The following DDX60 variants were observed in gnomAD, a reference collection of about 807,000 sequenced individuals.
DDX60 encodes the protein probable ATP-dependent RNA helicase DDX60.
In DDX60, 165 loss-of-function variants were observed where a neutral mutation model predicts 212.8. That is an observed-to-expected ratio of 0.78 (90% CI 0.68 to 0.88). The LOEUF is 0.88. Ranked by LOEUF, DDX60 falls within the 40% of genes least tolerant of loss-of-function variation. DDX60 has a pLI of 0.00. For missense variants in DDX60, 1,905 were observed against 2,003.9 expected (o/e 0.95, Z 0.94); for synonymous variants, 703 against 685.3 (o/e 1.03, Z -0.40).
intron 30 of DDX60, among the ~76,000 whole-genome samples, chr4:168,238,232 AT>A (rs140911371): frequency 0.031 from 3,500 of 111,384 alleles, 156 homozygotes; most frequent in African/African-American, 0.11. Flanking sequence ...TGTCTATGAA[AT>A]TCCAAAAAAA....
chr4:168,267,756 A>G (rs907237193), intron 21 of DDX60, 65 bp from the exon 22 acceptor site: 2 of 1,536,826 alleles, frequency 1.3e-6, no homozygotes, highest in African/African-American at 2.8e-5. Context: ...AATTTAAAGT[A>G]AACGGCATCA....
At position 168,286,916 on chromosome 4, in the gene DDX60, G is replaced by A. The variant is rs574792891; in HGVS notation, c.1339+132C>T. On this transcript the variant is annotated intron_variant, in intron 10 of 37. Transcript: ENST00000393743. Reference sequence around the variant, plus strand: ...CCACTCCAAGGATATAAGAATAAAGGTAATTTATTTTTATTATTAAAATTC... The same window carrying A: ...CCACTCCAAGGATATAAGAATAAAGATAATTTATTTTTATTATTAAAATTC... The A allele has an allele frequency of 4.8e-5, 30 of 624,942 alleles. No individual in the cohort carries two copies. In the African/African-American group the frequency reaches 5.6e-4, roughly 12 times the overall value. 38.7% of individuals were successfully genotyped at this position (624,942 alleles called of 1,614,324 possible).
intron 19 of DDX60, among the ~76,000 whole-genome samples, chr4:168,269,541 C>T (rs1184661964): frequency 6.6e-6 from 1 of 151,914 alleles, no homozygotes; most frequent in Non-Finnish European, 1.5e-5. Context: ...GCAGAGCTTG[C>T]AGTGAGCTGA....
At position 168,291,205 on chromosome 4, in the gene DDX60, G is replaced by T. The variant is rs891419814; in HGVS notation, c.1041+543C>A. ...AATAGAAAAACATGAAAAAATATAT[G>T]TATATATAGAGTTCCAATATAAGAA... On this transcript the variant is annotated intron_variant, in intron 8 of 37. Coordinates refer to ENST00000393743, the MANE Select transcript of DDX60 (RefSeq NM_017631.6). 7.2e-5 allele frequency among the ~76,000 whole-genome samples: 11 copies of T among 152,092 alleles called. 1 individual carries two copies. In the South Asian group the frequency reaches 2.3e-3, roughly 32 times the overall value.
At chr4:168,249,711 C>G (rs1354997891) in intron 28 of DDX60, among the ~76,000 whole-genome samples, 2 of 152,042 alleles carry the variant, frequency 1.3e-5, no homozygotes, top group Non-Finnish European at 2.9e-5. Flanking sequence ...AATTCATAAG[C>G]ATGTAGAAAA....
intron 22 of DDX60, chr4:168,263,448 T>C (rs1734707446): frequency 6.6e-6 from 1 of 152,186 alleles, no homozygotes; most frequent in Non-Finnish European, 1.5e-5. Flanking sequence ...CTACAAATCA[T>C]TTGCATGTAG....
At chr4:168,323,767 C>T (rs998313346), upstream of DDX60, among the ~76,000 whole-genome samples, 13 of 152,088 alleles carry the variant, frequency 8.5e-5, no homozygotes, top group South Asian at 2.1e-4. Context: ...GGCCATGGCC[C>T]GAGAATGGCC....
At chr4:168,225,717 C>T in intron 33 of DDX60, 41 bp from the exon 34 acceptor site, 1 of 1,579,560 alleles carries the variant, frequency 6.3e-7, no homozygotes, top group Non-Finnish European at 8.6e-7. Context: ...ATCTATTTAC[C>T]TTCCTTCAAA....
At chr4:168,271,535 AG>A in intron 19 of DDX60, among the ~76,000 whole-genome samples, 1 of 152,340 alleles carries the variant, frequency 6.6e-6, no homozygotes, top group Admixed American at 6.5e-5. Context: ...CTTTAAGCCA[AG>A]GGGCAAACTA....
intron 30 of DDX60, among the ~76,000 whole-genome samples, chr4:168,238,425 AAGGGAAGG>A (rs1733714087): frequency 9.5e-4 from 1 of 1,052 alleles, no homozygotes; most frequent in Non-Finnish European, 2.2e-3. Flanking sequence ...GAGGGGAGGG[AAGGGAAGG>A]GAAGGGAAGG....
intron 30 of DDX60, among the ~76,000 whole-genome samples, chr4:168,244,919 T>C (rs930044876): frequency 6.6e-6 from 1 of 152,130 alleles, no homozygotes; most frequent in Non-Finnish European, 1.5e-5. Context: ...TGGGTTTCAA[T>C]TTAAAAATTA....
chr4:168,222,559 G>T lies in DDX60; in HGVS notation c.4825-678C>A, dbSNP rs1220292438. 4.6e-5 allele frequency among the ~76,000 whole-genome samples: 7 copies of T among 152,076 alleles called. No homozygotes were observed. In the South Asian group the frequency reaches 1.2e-3, roughly 27 times the overall value. Reference sequence around the variant, plus strand: ...CTCCATGTACTATATGCAGATCAGTGATGCAAATTATAAACTGCAGCAATA... The same window carrying T: ...CTCCATGTACTATATGCAGATCAGTTATGCAAATTATAAACTGCAGCAATA... On this transcript the variant is annotated intron_variant, in intron 35 of 37. Transcript: ENST00000393743.
rs1438246610 is a variant in DDX60, at chr4:168,262,649, C to T, written c.3144+34G>A. Reference sequence around the variant, plus strand: ...GAGAGTTTGTCAATATTATCATCCTCTATAATAGGATTAATTACATCATTA... The same window carrying T: ...GAGAGTTTGTCAATATTATCATCCTTTATAATAGGATTAATTACATCATTA... On this transcript the variant is annotated intron_variant, in intron 23 of 37. Transcript: ENST00000393743. 9 of 1,377,858 alleles carry T rather than the reference C, an allele frequency of 6.5e-6. No homozygotes were observed. In the African/African-American group the frequency reaches 1.1e-4, roughly 17 times the overall value. The allele number at this position is 1,377,858 out of a possible 1,614,324, so 85.4% of individuals were successfully genotyped here. A position where few individuals can be genotyped will look rare whatever the true frequency, so the allele number is the denominator to read the frequency against.
chr4:168,252,107 A>G (rs1223620072), intron 27 of DDX60, among the ~76,000 whole-genome samples: 2 of 152,228 alleles, frequency 1.3e-5, no homozygotes, highest in African/African-American at 4.8e-5. Context: ...CCAAATTTTC[A>G]AATGCAGCAT....
At chr4:168,286,295 G>A (rs1735845326) in intron 10 of DDX60, among the ~76,000 whole-genome samples, 1 of 150,450 alleles carries the variant, frequency 6.6e-6, no homozygotes. Flanking sequence ...AGACTTTCAT[G>A]AAAATGAAAT....
chr4:168,238,415 GAGGGGAGGGAAGGGAAGGGAAGGGA>G (rs1409960308), intron 30 of DDX60, among the ~76,000 whole-genome samples: 1 of 102,438 alleles, frequency 9.8e-6, no homozygotes, highest in African/African-American at 4.0e-5. Flanking sequence ...GAGGGGAGGA[GAGGGGAGGGAAGGGAAGGGAAGGGA>G]AGGGAAGGGA....
At position 168,312,727 on chromosome 4, in the gene DDX60, C is replaced by CAGATAGAT. The variant is rs61439775; in HGVS notation, c.-106-1370_-106-1363dup. Among the ~76,000 whole-genome samples the CAGATAGAT allele has an allele frequency of 9.1e-4, 137 of 150,058 alleles. 1 individual carries two copies. Among genetic ancestry groups the CAGATAGAT allele is most frequent in the African/African-American group, 3.3e-3 (135 of 40,486 alleles). ...TAGATAGATATAGATGATGGATACA[C>CAGATAGAT]AGATAGATAGATAGATAGATATGAT... On this transcript the variant is annotated intron_variant, in intron 1 of 37. Coordinates refer to ENST00000393743, the MANE Select transcript of DDX60 (RefSeq NM_017631.6).
At chr4:168,230,071 A>G (rs1429427700) in intron 33 of DDX60, among the ~76,000 whole-genome samples, 1 of 152,114 alleles carries the variant, frequency 6.6e-6, no homozygotes, top group Non-Finnish European at 1.5e-5. Flanking sequence ...AGGAGTAGCT[A>G]TTTTTATATC....
Position 168,251,034 on chromosome 4 carries a change from C to T in DDX60, c.3778G>A (p.Gly1260Ser). The change falls in exon 28 of 38, where the codon GGT becomes AGT. Residue 1260 changes from glycine (G) to serine (S), a missense_variant. Coordinates refer to ENST00000393743, the MANE Select transcript of DDX60 (RefSeq NM_017631.6). ...GEELKALAER[G>S]IGYHHSAMSF... is the part of the protein sequence containing the mutation. ...ATAGCACTGTGATGATATCCAATACCCCTTTCTGCCAAGGCTTTCAATTCT... is the reference window on the plus strand; with the variant it reads ...ATAGCACTGTGATGATATCCAATACTCCTTTCTGCCAAGGCTTTCAATTCT... The T allele has an allele frequency of 6.2e-7, 1 of 1,612,562 alleles. No homozygotes were observed. The highest frequency in any genetic ancestry group is 8.5e-7 in the Non-Finnish European group (1 of 1,178,986).
Sources: gnomAD v4.1 joint callset for allele counts (sites outside exome capture counted in the v4.1 genomes callset) on GRCh38, gnomAD v4.1.1 for gene constraint, MANE v1.5 for transcripts, NCBI Gene and HGNC (gene_info 2026-07-23, HGNC 2026-07-21) for gene names.